RAD21L1: variants seen among roughly 807,000 people sequenced by gnomAD.
RAD21L1 encodes RAD21 cohesin complex component like 1, also known as double-strand-break repair protein rad21-like protein 1.
Under a neutral mutation model 69.0 loss-of-function variants are expected in RAD21L1, and 47 were observed. The observed-to-expected ratio is 0.68, with a 90% CI of 0.54 to 0.87. The LOEUF is 0.87. Ranked by LOEUF, RAD21L1 falls within the 40% of genes least tolerant of loss-of-function variation. The pLI, the probability that RAD21L1 is intolerant of heterozygous loss-of-function variation, is 0.00. For missense variants in RAD21L1, 583 were observed against 647.6 expected (o/e 0.90, Z 1.08); for synonymous variants, 177 against 205.8 (o/e 0.86, Z 1.20).
At chr20:1,228,101 T>C (rs1387358762) in intron 1 of RAD21L1, among the ~76,000 whole-genome samples, 2 of 152,186 alleles carry the variant, frequency 1.3e-5, no homozygotes, top group African/African-American at 4.8e-5. Flanking sequence ...TCAGCCTTCC[T>C]CCTTTATTTG....
At chr20:1,245,675 A>ACTCCCCTT (rs2087703488) in intron 11 of RAD21L1, among the ~76,000 whole-genome samples, 1 of 151,702 alleles carries the variant, frequency 6.6e-6, no homozygotes, top group African/African-American at 2.4e-5. Flanking sequence ...TTATGTCTTC[A>ACTCCCCTT]CTCCCCTTCC....
At chr20:1,229,732 G>T (rs942879477) in intron 2 of RAD21L1, 148 bp from the exon 3 acceptor site, 1 of 548,564 alleles carries the variant, frequency 1.8e-6, no homozygotes, top group Admixed American at 3.2e-5. Context: ...CATTTTGCAA[G>T]GTAAGGTAAA....
At chr20:1,248,772 C>A in intron 13 of RAD21L1, 69 bp downstream of exon 13, 1 of 878,202 alleles carries the variant, frequency 1.1e-6, no homozygotes, top group Non-Finnish European at 1.7e-6. Flanking sequence ...TTCAAGCTTC[C>A]ATATATTAAT....
At position 1,231,508 on chromosome 20, in the gene RAD21L1, G is replaced by A. The variant is rs781128243; in HGVS notation, c.275-18G>A. ...ATAGCATTGTTGCTTATTGAGTATG[G>A]TTTTTGATCCTTTTCAGGACTGGTT... On this transcript the variant is annotated intron_variant, in intron 3 of 13. Transcript: ENST00000683101. The A allele has an allele frequency of 6.0e-6, 8 of 1,337,392 alleles. No homozygotes were observed. The highest frequency in any genetic ancestry group is 7.3e-6 in the Non-Finnish European group (7 of 957,850). 82.8% of individuals were successfully genotyped at this position (1,337,392 alleles called of 1,614,324 possible). A position where few individuals can be genotyped will look rare whatever the true frequency, so the allele number is the denominator to read the frequency against.
intron 13 of RAD21L1, among the ~76,000 whole-genome samples, chr20:1,251,370 GT>G (rs56251114): frequency 1.9e-4 from 27 of 144,776 alleles, no homozygotes; most frequent in Admixed American, 9.6e-4. Flanking sequence ...ATGTGCTTTG[GT>G]TTTTTTTTTT....
intron 13 of RAD21L1, among the ~76,000 whole-genome samples, chr20:1,253,422 G>A (rs564855491): frequency 3.9e-5 from 6 of 152,006 alleles, no homozygotes; most frequent in African/African-American, 9.7e-5. Flanking sequence ...TCAGCCTCCC[G>A]AATAGCTGGG....
Position 1,254,440 on chromosome 20 carries a change from A to G in RAD21L1, c.1651A>G (p.Met551Val). 2.6e-6 allele frequency: 4 copies of G among 1,535,456 alleles called. No homozygotes were observed. Among genetic ancestry groups the G allele is most frequent in the Non-Finnish European group, 3.5e-6 (4 of 1,137,970 alleles). The change falls in exon 14 of 14, where the codon ATG becomes GTG. Residue 551 changes from methionine to valine, a missense_variant. By Grantham distance (21) the Met-to-Val change is conservative. Coordinates refer to ENST00000683101, the MANE Select transcript of RAD21L1 (RefSeq NM_001384355.1). ...YADIIATMGP[M>V]FYNI ...AGATATTATAGCTACGATGGGACCAATGTTTTATAACATATGAAGGAAACC... is the reference window on the plus strand; with the variant it reads ...AGATATTATAGCTACGATGGGACCAGTGTTTTATAACATATGAAGGAAACC...
chr20:1,237,538 A>G (rs1161304422), intron 5 of RAD21L1, among the ~76,000 whole-genome samples: 1 of 147,538 alleles, frequency 6.8e-6, no homozygotes, highest in Non-Finnish European at 1.5e-5. Context: ...ACGGACCTCT[A>G]TCACTGCCTC....
intron 2 of RAD21L1, among the ~76,000 whole-genome samples, chr20:1,229,418 G>A (rs979620439): frequency 1.3e-5 from 2 of 152,204 alleles, no homozygotes; most frequent in African/African-American, 4.8e-5. Flanking sequence ...GGGAGGCTGA[G>A]GCAGGAGAAT....
intron 1 of RAD21L1, among the ~76,000 whole-genome samples, chr20:1,227,678 CAAG>C (rs1186671822): frequency 6.6e-6 from 1 of 152,150 alleles, no homozygotes; most frequent in African/African-American, 2.4e-5. Context: ...ATGGTGTTAC[CAAG>C]AATAGTACAG....
chr20:1,240,917 G>A (rs961971038), intron 8 of RAD21L1, among the ~76,000 whole-genome samples: 3 of 152,146 alleles, frequency 2.0e-5, no homozygotes, highest in African/African-American at 7.2e-5. Flanking sequence ...CAGCAGTTAC[G>A]GTGCTAGAGC....
At chr20:1,230,066 G>A in intron 3 of RAD21L1, 57 bp downstream of exon 3, 9 of 1,370,188 alleles carry the variant, frequency 6.6e-6, no homozygotes, top group South Asian at 1.3e-5. Context: ...TTTTAATTGG[G>A]GGTGGGATCT....
At chr20:1,226,982 T>C (rs2087277289) in intron 1 of RAD21L1, among the ~76,000 whole-genome samples, 1 of 152,174 alleles carries the variant, frequency 6.6e-6, no homozygotes, top group Admixed American at 6.5e-5. Flanking sequence ...CGATCGCGGC[T>C]CATTGCAGCC....
chr20:1,246,227 G>T lies in RAD21L1; in HGVS notation c.1323G>T (p.Met441Ile), dbSNP rs1266560735. 1.3e-6 allele frequency: 2 copies of T among 1,536,964 alleles called. No homozygotes were observed. Among genetic ancestry groups the T allele is most frequent in the Non-Finnish European group, 1.8e-6 (2 of 1,140,652 alleles). ...TGCTTCAGCAGGATATTGTTGAAATGGTGTCTTTAGCTGCTGAGGAATCAT... is the reference window on the plus strand; with the variant it reads ...TGCTTCAGCAGGATATTGTTGAAATTGTGTCTTTAGCTGCTGAGGAATCAT... Reference protein sequence around the residue: ...KNINSEDIVEMVSLAAEESSL... With the variant: ...KNINSEDIVEIVSLAAEESSL... Residue 441 changes from methionine (M) to isoleucine (I), a missense_variant, in exon 12 of 14, where the codon ATG becomes ATT. Physicochemically the swap from Met to Ile is conservative, Grantham distance 10. Coordinates refer to ENST00000683101, the MANE Select transcript of RAD21L1 (RefSeq NM_001384355.1). The surrounding 1 kb of genome is among the most constrained non-coding windows in gnomAD (Gnocchi z 4.6).
rs1684614697 is a variant in RAD21L1 at position 1,239,557 on chromosome 20, AG to A, written c.742+152del. The A allele has an allele frequency of 2.7e-5, 15 of 548,772 alleles. 1 individual carries two copies. In the South Asian group the frequency reaches 4.1e-4, roughly 15 times the overall value. 34.0% of individuals were successfully genotyped at this position (548,772 alleles called of 1,614,324 possible). ...AGTCTGACTGTAGACAATATAAAAT[AG>A]GAAATTGGATTCTGATAAAGGTACA... On this transcript the variant is annotated intron_variant, in intron 7 of 13. Transcript: ENST00000683101.
chr20:1,237,386 G>A (rs2087521434), intron 5 of RAD21L1, among the ~76,000 whole-genome samples: 1 of 152,128 alleles, frequency 6.6e-6, no homozygotes, highest in African/African-American at 2.4e-5. Context: ...GTGACTGTGT[G>A]CAAGTTACAA....
At chr20:1,249,340 G>C (rs1287152985) in intron 13 of RAD21L1, among the ~76,000 whole-genome samples, 3 of 152,130 alleles carry the variant, frequency 2.0e-5, no homozygotes, top group Non-Finnish European at 2.9e-5. Flanking sequence ...TTTTAGCATA[G>C]TGTTATGTGT....
At chr20:1,229,079 A>G (rs1468025686) in intron 2 of RAD21L1, among the ~76,000 whole-genome samples, 6 of 152,234 alleles carry the variant, frequency 3.9e-5, no homozygotes, top group Admixed American at 3.3e-4. Flanking sequence ...GTATTTTTCA[A>G]CTTTAGAGAA....
intron 12 of RAD21L1, 108 bp from the exon 13 acceptor site, chr20:1,248,518 C>T (rs1394869266): frequency 3.5e-6 from 2 of 564,060 alleles, no homozygotes; most frequent in East Asian, 3.1e-5. Context: ...TTTGGCAGGA[C>T]CCATTGTAAT....
Sources: allele counts gnomAD v4.1 joint callset (sites outside exome capture counted in the v4.1 genomes callset), GRCh38; gene constraint gnomAD v4.1.1; non-coding constraint Gnocchi (gnomAD v3.1); transcripts MANE v1.5; gene names NCBI Gene and HGNC (gene_info 2026-07-23, HGNC 2026-07-21).